RFX3: variants seen among roughly 807,000 people sequenced by gnomAD.
RFX3 encodes transcription factor RFX3.
A neutral mutation model predicts 98.6 loss-of-function variants in RFX3; 14 were observed. That is an observed-to-expected ratio of 0.14 (90% confidence interval 0.09 to 0.22). The LOEUF is 0.22. RFX3 is among the 10% of genes least tolerant of loss of function. The probability of loss-of-function intolerance (pLI) is 1.00; values close to 1 mark genes in which losing one functional copy is unlikely to be tolerated. For missense variants in RFX3, 639 were observed against 926.9 expected, an observed-to-expected ratio of 0.69 and a Z score of 4.03; for synonymous variants, 383 against 328.4, an observed-to-expected ratio of 1.17 and a Z score of -1.80.
chr9:3,497,270 G>A (rs1342386447), intron 1 of RFX3, among the ~76,000 whole-genome samples: 1 of 151,934 alleles, frequency 6.6e-6, no homozygotes, highest in Non-Finnish European at 1.5e-5. Context: ...ATATAACAAA[G>A]TAAATAGAAA....
At chr9:3,487,893 T>A (rs1252471180) in intron 1 of RFX3, among the ~76,000 whole-genome samples, 1 of 152,144 alleles carries the variant, frequency 6.6e-6, no homozygotes, top group Non-Finnish European at 1.5e-5. Context: ...AGTTTCCTCA[T>A]CCTAAATTTG....
chr9:3,261,029 T>C (rs1822817398), intron 13 of RFX3, among the ~76,000 whole-genome samples: 2 of 151,648 alleles, frequency 1.3e-5, no homozygotes, highest in African/African-American at 4.8e-5. Context: ...TTGGTATATT[T>C]TAAATGACAA....
chr9:3,432,985 G>A (rs952156022), intron 1 of RFX3, among the ~76,000 whole-genome samples: 29 of 152,188 alleles, frequency 1.9e-4, no homozygotes, highest in African/African-American at 6.5e-4. Flanking sequence ...CCAGGTTAGC[G>A]TGTAAGTTTA....
chr9:3,508,062 G>A (rs749055709), intron 1 of RFX3, among the ~76,000 whole-genome samples: 3 of 151,922 alleles, frequency 2.0e-5, no homozygotes, highest in Admixed American at 6.6e-5. Context: ...ATCCTGAAAA[G>A]ATTCTGACAG....
Position 3,275,630 on chromosome 9 carries a change from G to A in RFX3, c.974-18C>T, listed in dbSNP as rs1825105041. Reference sequence around the variant, plus strand: ...AGATGCATCTGTTACCGTGACAACAGAACAGAAAAAAGCTATTGTGGATGG... The same window carrying A: ...AGATGCATCTGTTACCGTGACAACAAAACAGAAAAAAGCTATTGTGGATGG... On this transcript the variant is annotated intron_variant, in intron 8 of 16. Coordinates refer to ENST00000617270, the MANE Select transcript of RFX3 (RefSeq NM_001282116.2). 4.0e-6 allele frequency: 6 copies of A among 1,496,536 alleles called. No homozygotes were observed. Among genetic ancestry groups the A allele is most frequent in the Admixed American group, 1.7e-5 (1 of 58,768 alleles). 92.7% of individuals were successfully genotyped at this position (1,496,536 alleles called of 1,614,324 possible).
At chr9:3,351,724 T>C (rs1032029646) in intron 2 of RFX3, among the ~76,000 whole-genome samples, 1 of 151,958 alleles carries the variant, frequency 6.6e-6, no homozygotes, top group African/African-American at 2.4e-5. Context: ...ACATTAAACA[T>C]AATCAGATAA....
chr9:3,277,288 C>A, intron 8 of RFX3, 52 bp downstream of exon 8: 1 of 1,583,636 alleles, frequency 6.3e-7, no homozygotes, highest in Non-Finnish European at 8.6e-7. Flanking sequence ...GGAGAAAAGA[C>A]TAACTTTTCA....
intron 1 of RFX3, among the ~76,000 whole-genome samples, chr9:3,504,887 A>AT (rs1816676185): frequency 1.6e-5 from 1 of 63,176 alleles, no homozygotes; most frequent in South Asian, 4.8e-4. Flanking sequence ...TATTATATAT[A>AT]ATATAACATA....
At chr9:3,334,310 T>C (rs970164884) in intron 3 of RFX3, among the ~76,000 whole-genome samples, 2 of 150,810 alleles carry the variant, frequency 1.3e-5, no homozygotes, top group South Asian at 2.1e-4. Context: ...AAAGAAGCCA[T>C]GGAAAAGGCA....
Position 3,377,427 on chromosome 9 carries a change from C to T in RFX3, c.117+18045G>A, listed in dbSNP as rs138457543. On this transcript the variant is annotated intron_variant, in intron 2 of 16. Coordinates refer to ENST00000617270, the MANE Select transcript of RFX3 (RefSeq NM_001282116.2). Reference sequence around the variant, plus strand: ...CTTGGACACAGGAAGGGGAACATCACACACCGGGGCCTGTCATGGGGTGAG... The same window carrying T: ...CTTGGACACAGGAAGGGGAACATCATACACCGGGGCCTGTCATGGGGTGAG... Among the ~76,000 whole-genome samples, 903 of 152,218 alleles carry T rather than the reference C, an allele frequency of 5.9e-3. 5 individuals carry two copies. Among genetic ancestry groups the T allele is most frequent in the African/African-American group, 0.021 (852 of 41,522 alleles).
chr9:3,269,099 G>A (rs1463131735), intron 11 of RFX3, among the ~76,000 whole-genome samples: 2 of 151,868 alleles, frequency 1.3e-5, no homozygotes, highest in African/African-American at 4.8e-5. Context: ...TCAACCTTTA[G>A]CCAGGAAACT....
chr9:3,481,793 T>C (rs2133368837), intron 1 of RFX3, among the ~76,000 whole-genome samples: 1 of 152,236 alleles, frequency 6.6e-6, no homozygotes, highest in African/African-American at 2.4e-5. Flanking sequence ...ATGAATTCTT[T>C]GTATTTTTGT....
intron 1 of RFX3, among the ~76,000 whole-genome samples, chr9:3,517,184 T>C (rs370122244): frequency 4.5e-4 from 68 of 152,288 alleles, no homozygotes; most frequent in African/African-American, 1.4e-3. Context: ...GAATCATAGA[T>C]TGGAAAGGGC....
At chr9:3,333,650 C>T (rs1832845912) in intron 3 of RFX3, among the ~76,000 whole-genome samples, 1 of 152,078 alleles carries the variant, frequency 6.6e-6, no homozygotes, top group Non-Finnish European at 1.5e-5. Flanking sequence ...AGTGGCCCCA[C>T]TTAACTGTGC....
intron 1 of RFX3, among the ~76,000 whole-genome samples, chr9:3,448,302 G>C (rs1454615222): frequency 6.6e-6 from 1 of 151,978 alleles, no homozygotes; most frequent in Non-Finnish European, 1.5e-5. Context: ...CAAAAAAGGA[G>C]AGTCAAAAAC....
At chr9:3,434,602 G>C (rs1844952267) in intron 1 of RFX3, among the ~76,000 whole-genome samples, 1 of 151,948 alleles carries the variant, frequency 6.6e-6, no homozygotes, top group South Asian at 2.1e-4. Flanking sequence ...TTCCTTAATA[G>C]GAACATCCTT....
intron 1 of RFX3, among the ~76,000 whole-genome samples, chr9:3,445,869 T>C (rs1318865921): frequency 6.6e-6 from 1 of 152,152 alleles, no homozygotes; most frequent in Non-Finnish European, 1.5e-5. Flanking sequence ...ATGCCCTGAT[T>C]TCTGGCCTGG....
chr9:3,450,406 TTC>T (rs1476505044), intron 1 of RFX3, among the ~76,000 whole-genome samples: 2 of 152,154 alleles, frequency 1.3e-5, no homozygotes, highest in African/African-American at 2.4e-5. Flanking sequence ...TTTTTTGTTT[TTC>T]TCTTTCCTTA....
intron 2 of RFX3, among the ~76,000 whole-genome samples, chr9:3,363,408 T>C (rs1442078064): frequency 6.6e-6 from 1 of 152,232 alleles, no homozygotes; most frequent in Non-Finnish European, 1.5e-5. Flanking sequence ...TACAGATTCA[T>C]ACTTACTCCC....
Sources: allele counts gnomAD v4.1 joint callset (sites outside exome capture counted in the v4.1 genomes callset), GRCh38; gene constraint gnomAD v4.1.1; transcripts MANE v1.5; gene names NCBI Gene and HGNC (gene_info 2026-07-23, HGNC 2026-07-21).